C3: variants seen among roughly 807,000 people sequenced by gnomAD.
C3 encodes C3 and PZP-like alpha-2-macroglobulin domain-containing protein 1.
Under a neutral mutation model 207.9 loss-of-function variants are expected in C3, and 97 were observed. That is an observed-to-expected ratio of 0.47 (90% CI 0.40 to 0.55). C3 has a LOEUF of 0.55. Among genes scored for constraint, C3 ranks in the 20% least tolerant of loss-of-function variants. The pLI is 0.00. For synonymous variants in C3, 848 were observed against 857.6 expected (o/e 0.99, Z 0.20); for missense variants, 1,684 against 2,171.7 (o/e 0.78, Z 4.46).
intron 17 of C3, among the ~76,000 whole-genome samples, chr19:6,705,640 C>T (rs1198840004): frequency 1.3e-5 from 2 of 151,416 alleles, no homozygotes; most frequent in Non-Finnish European, 2.9e-5. Context: ...AGCCACCGTG[C>T]CCGGCCAATT....
Position 6,696,657 on chromosome 19 carries a change from C to A in C3, c.2799G>T (p.Pro933=). Residue 933 remains proline, a splice_region_variant and synonymous_variant, in exon 22 of 41, where the codon CCG becomes CCT. Transcript: ENST00000245907. The stretch of plus-strand genomic sequence containing the variant: ...CAGTTTTGTTCATTCTGATTCCTTC[C>A]GGCTACGCAGTGTTAGAGGTGGGGG... The part of the protein sequence containing the change: ...DGVRKSLKVV[P]EGIRMNKTVA... 6.2e-7 allele frequency: 1 copy of A among 1,613,848 alleles called. No individual in the cohort carries two copies. Among genetic ancestry groups the A allele is most frequent in the African/African-American group, 1.3e-5 (1 of 74,968 alleles).
At chr19:6,688,638 G>A (rs1379533028) in intron 27 of C3, among the ~76,000 whole-genome samples, 11 of 152,104 alleles carry the variant, frequency 7.2e-5, no homozygotes, top group Admixed American at 7.2e-4. Context: ...TCCTGCCTCA[G>A]CATCTTGAGT....
intron 23 of C3, 43 bp from the exon 24 acceptor site, chr19:6,694,677 G>C: frequency 6.4e-7 from 1 of 1,570,656 alleles, no homozygotes; most frequent in Non-Finnish European, 8.7e-7. Context: ...CCAGGTGGGT[G>C]ACCCACCTTG....
At chr19:6,688,011 C>T (rs1918054515) in intron 27 of C3, among the ~76,000 whole-genome samples, 1 of 151,840 alleles carries the variant, frequency 6.6e-6, no homozygotes, top group Admixed American at 6.6e-5. Context: ...CGTCCGCCAC[C>T]GCGCCCGGCT....
intron 17 of C3, among the ~76,000 whole-genome samples, chr19:6,703,966 C>CA (rs1234208673): frequency 6.6e-6 from 1 of 150,866 alleles, no homozygotes; most frequent in East Asian, 2.0e-4. Flanking sequence ...AACAAACAAA[C>CA]AAAAAACAAA....
chr19:6,693,749 C>G (rs1918228550), intron 24 of C3, among the ~76,000 whole-genome samples: 1 of 141,704 alleles, frequency 7.1e-6, no homozygotes, highest in Admixed American at 7.1e-5. Context: ...GGAGGGCTCT[C>G]AGAGAGGGGG....
At position 6,677,777 on chromosome 19, in the gene C3, G is replaced by A; in HGVS notation, c.*105C>T. On this transcript the variant is annotated 3_prime_UTR_variant, in exon 41 of 41. Coordinates refer to ENST00000245907, the MANE Select transcript of C3 (RefSeq NM_000064.4). ...GTTTCAAGTAGGATGGAGCTGAGCT[G>A]CAGGTGAGGCGGCTGGGGATTTCAG... 7.2e-7 allele frequency: 1 copy of A among 1,391,392 alleles called. No homozygotes were observed. The highest frequency in any genetic ancestry group is 2.3e-5 in the East Asian group (1 of 43,288). The allele number at this position is 1,391,392 out of a possible 1,614,324, so 86.2% of individuals were successfully genotyped here. A position where few individuals can be genotyped will look rare whatever the true frequency, so the allele number is the denominator to read the frequency against.
chr19:6,690,444 GA>G (rs1215889988), intron 27 of C3, among the ~76,000 whole-genome samples, 184 bp downstream of exon 27: 3 of 152,244 alleles, frequency 2.0e-5, no homozygotes, highest in African/African-American at 7.2e-5. Flanking sequence ...GAAACTATTA[GA>G]GGGCGGGTCT....
At chr19:6,695,468 TTTTGTTTGTTTG>T (rs913245068) in intron 23 of C3, among the ~76,000 whole-genome samples, 1 of 152,016 alleles carries the variant, frequency 6.6e-6, no homozygotes, top group Admixed American at 6.6e-5. Context: ...TTGCTTGTCT[TTTTGTTTGTTTG>T]TTTGTTTGTT....
intron 14 of C3, 73 bp downstream of exon 14, chr19:6,709,611 T>TAC: frequency 1.3e-5 from 14 of 1,109,430 alleles, no homozygotes; most frequent in South Asian, 3.7e-5. Flanking sequence ...CCCTCTCCAG[T>TAC]CCCACCCACC....
intron 4 of C3, among the ~76,000 whole-genome samples, chr19:6,715,930 T>C (rs1057068333): frequency 2.0e-5 from 3 of 152,044 alleles, no homozygotes; most frequent in Non-Finnish European, 2.9e-5. Flanking sequence ...TGGCCAAAAA[T>C]CTGTTTTTCT....
intron 10 of C3, 34 bp from the exon 11 acceptor site, chr19:6,712,440 G>T: frequency 6.2e-7 from 1 of 1,614,206 alleles, no homozygotes. Context: ...GGAAGTTCAG[G>T]CAGGCTCAGG....
At chr19:6,686,933 A>G (rs1254499463) in intron 27 of C3, 31 bp from the exon 28 acceptor site, 2 of 1,612,530 alleles carry the variant, frequency 1.2e-6, no homozygotes, top group Admixed American at 1.7e-5. Flanking sequence ...TTCTCCGGTC[A>G]TGTGGGCATT....
intron 25 of C3, 75 bp downstream of exon 25, chr19:6,693,337 C>G (rs1397185490): frequency 1.4e-5 from 21 of 1,454,588 alleles, no homozygotes; most frequent in South Asian, 7.2e-5. Flanking sequence ...GGGACCACCC[C>G]TGGCCAGGGT....
intron 27 of C3, among the ~76,000 whole-genome samples, chr19:6,689,848 G>A (rs1380616917): frequency 4.6e-5 from 7 of 152,142 alleles, no homozygotes; most frequent in Non-Finnish European, 1.5e-5. Flanking sequence ...CGGGTATGGT[G>A]GCGGGTGCCT....
chr19:6,706,103 T>A (rs1006081513), intron 17 of C3, among the ~76,000 whole-genome samples: 2 of 152,248 alleles, frequency 1.3e-5, no homozygotes, highest in African/African-American at 4.8e-5. Flanking sequence ...TGTTCACTCA[T>A]CGAGTTTGGC....
At chr19:6,689,508 T>C (rs950314479) in intron 27 of C3, among the ~76,000 whole-genome samples, 4 of 152,044 alleles carry the variant, frequency 2.6e-5, no homozygotes, top group African/African-American at 9.7e-5. Context: ...GGTGGAATCC[T>C]GGGCTTCCCA....
At chr19:6,706,845 G>A (rs1174564061) in intron 17 of C3, among the ~76,000 whole-genome samples, 5 of 102,730 alleles carry the variant, frequency 4.9e-5, no homozygotes, top group Non-Finnish European at 9.2e-5. Context: ...TCCCTCCTCA[G>A]ACAGGGACCT....
chr19:6,702,886 T>C, intron 17 of C3: 1 of 350,990 alleles, frequency 2.8e-6, no homozygotes, highest in Non-Finnish European at 5.6e-6. Flanking sequence ...ACACAAAAAT[T>C]AGCTGGGTGT....
Sources: allele counts gnomAD v4.1 joint callset (sites outside exome capture counted in the v4.1 genomes callset), GRCh38; gene constraint gnomAD v4.1.1; transcripts MANE v1.5; gene names NCBI Gene and HGNC (gene_info 2026-07-23, HGNC 2026-07-21).